TAFA1: variants seen among roughly 807,000 people sequenced by gnomAD.
TAFA1 encodes the protein TAFA chemokine like family member 1.
Under a neutral mutation model 18.5 loss-of-function variants are expected in TAFA1, and 4 were observed. The ratio of observed to expected loss-of-function variants is 0.22; its 90% CI spans 0.11 to 0.49. The LOEUF (loss-of-function observed/expected upper bound fraction) is 0.49. Among genes scored for constraint, TAFA1 ranks in the 20% least tolerant of loss-of-function variants. The probability of loss-of-function intolerance (pLI) is 0.98; values close to 1 mark genes in which losing one functional copy is unlikely to be tolerated. For synonymous variants in TAFA1, 56 were observed against 55.2 expected (o/e 1.01, Z -0.06); for missense variants, 147 against 169.0 (o/e 0.87, Z 0.72).
intron 2 of TAFA1, among the ~76,000 whole-genome samples, chr3:68,164,903 C>A (rs1204232592): frequency 6.6e-6 from 1 of 152,154 alleles, no homozygotes; most frequent in East Asian, 1.9e-4. Flanking sequence ...TTTCCCCCAC[C>A]CCAACTCCCT....
At chr3:68,003,206 T>A (rs1047519072), upstream of TAFA1, among the ~76,000 whole-genome samples, 4 of 152,238 alleles carry the variant, frequency 2.6e-5, no homozygotes, top group African/African-American at 9.6e-5. Context: ...TTGGCAAGAC[T>A]GACGAGTCTG....
upstream of TAFA1, among the ~76,000 whole-genome samples, chr3:67,999,280 C>T (rs201680556): frequency 0.95 from 142,190 of 149,890 alleles, 67,309 homozygotes; most frequent in South Asian, 0.97. Context: ...CCCCCCCCCC[C>T]CTCTCTCTGT....
At chr3:68,103,336 T>C (rs1188173519) in intron 2 of TAFA1, among the ~76,000 whole-genome samples, 1 of 152,226 alleles carries the variant, frequency 6.6e-6, no homozygotes, top group Non-Finnish European at 1.5e-5. Context: ...AAGTGTTGTA[T>C]GGTAATTGTG....
At chr3:68,120,172 T>C (rs540816413) in intron 2 of TAFA1, among the ~76,000 whole-genome samples, 46 of 14,574 alleles carry the variant, frequency 3.2e-3, no homozygotes, top group South Asian at 0.03. Context: ...TCTTTCTTTC[T>C]CTTTCTTTCT....
At chr3:68,448,290 T>C (rs1184877487) in intron 3 of TAFA1, among the ~76,000 whole-genome samples, 2 of 152,204 alleles carry the variant, frequency 1.3e-5, no homozygotes, top group Non-Finnish European at 2.9e-5. Context: ...AAATCAATTA[T>C]ATTGAAATCT....
At chr3:68,022,424 C>G (rs1704710507) in intron 2 of TAFA1, among the ~76,000 whole-genome samples, 2 of 151,958 alleles carry the variant, frequency 1.3e-5, no homozygotes, top group South Asian at 4.2e-4. Flanking sequence ...TACTATGGCC[C>G]CTGGGTAACT....
At chr3:68,166,954 T>A (rs1240690094) in intron 2 of TAFA1, among the ~76,000 whole-genome samples, 4 of 152,212 alleles carry the variant, frequency 2.6e-5, no homozygotes, top group African/African-American at 9.6e-5. Flanking sequence ...TGGCCACCTC[T>A]GGCAGATGCT....
At chr3:68,478,038 A>T (rs1189337955) in intron 3 of TAFA1, among the ~76,000 whole-genome samples, 1 of 152,208 alleles carries the variant, frequency 6.6e-6, no homozygotes, top group Non-Finnish European at 1.5e-5. Flanking sequence ...AGTGTTTTAA[A>T]TCATGGGGTG....
At chr3:68,064,197 A>C (rs1009123613) in intron 2 of TAFA1, among the ~76,000 whole-genome samples, 1 of 152,222 alleles carries the variant, frequency 6.6e-6, no homozygotes, top group South Asian at 2.1e-4. Context: ...AAGACGGCCA[A>C]CGTGGATCAC....
intron 2 of TAFA1, among the ~76,000 whole-genome samples, chr3:68,253,041 C>G (rs532853168): frequency 1.6e-4 from 25 of 152,268 alleles, no homozygotes; most frequent in Middle Eastern, 6.8e-3. Flanking sequence ...CCATGTGGAA[C>G]TGTGAGTCCA....
intron 2 of TAFA1, among the ~76,000 whole-genome samples, chr3:68,280,071 T>G (rs1337901577): frequency 2.0e-5 from 3 of 152,174 alleles, no homozygotes; most frequent in Non-Finnish European, 4.4e-5. Context: ...AAGCTAATAG[T>G]GTAGGTCATA....
At chr3:68,154,780 C>A (rs2065847583) in intron 2 of TAFA1, among the ~76,000 whole-genome samples, 1 of 152,226 alleles carries the variant, frequency 6.6e-6, no homozygotes, top group East Asian at 1.9e-4. Flanking sequence ...TACACACGCA[C>A]CCCACACACT....
intron 2 of TAFA1, among the ~76,000 whole-genome samples, chr3:68,191,519 T>C (rs2066339812): frequency 6.6e-6 from 1 of 151,846 alleles, no homozygotes; most frequent in East Asian, 1.9e-4. Flanking sequence ...TTAATGTCTC[T>C]ATTGGTTTGG....
At chr3:67,999,818 G>T (rs1297720192), upstream of TAFA1, among the ~76,000 whole-genome samples, 2 of 148,150 alleles carry the variant, frequency 1.3e-5, no homozygotes, top group African/African-American at 2.5e-5. Context: ...TTTTGAGATC[G>T]AGTTTCTCAT....
At chr3:68,401,717 A>G (rs1306114629) in intron 2 of TAFA1, among the ~76,000 whole-genome samples, 1 of 152,222 alleles carries the variant, frequency 6.6e-6, no homozygotes, top group Non-Finnish European at 1.5e-5. Flanking sequence ...CCTTGTTAAC[A>G]ACCACTTGGT....
chr3:68,143,412 C>T (rs2065694913), intron 2 of TAFA1, among the ~76,000 whole-genome samples: 1 of 152,174 alleles, frequency 6.6e-6, no homozygotes, highest in Non-Finnish European at 1.5e-5. Flanking sequence ...TTAAACATCA[C>T]ATTATCCATC....
intron 3 of TAFA1, among the ~76,000 whole-genome samples, chr3:68,463,702 G>A (rs183172050): frequency 6.6e-6 from 1 of 152,236 alleles, no homozygotes; most frequent in East Asian, 1.9e-4. Flanking sequence ...GCTAGTTGAT[G>A]TTGGGTGTCA....
intron 2 of TAFA1, among the ~76,000 whole-genome samples, chr3:68,095,595 C>T (rs2106805969): frequency 6.6e-6 from 1 of 152,154 alleles, no homozygotes; most frequent in South Asian, 2.1e-4. Context: ...AAAATATGGG[C>T]TGAGGAAATA....
chr3:68,218,853 A>G (rs1239488747), intron 2 of TAFA1, among the ~76,000 whole-genome samples: 35 of 152,112 alleles, frequency 2.3e-4, no homozygotes. Context: ...AAGAGACCAT[A>G]GTGTTGTTTC....
Sources: gnomAD v4.1 joint callset for allele counts (sites outside exome capture counted in the v4.1 genomes callset) on GRCh38, gnomAD v4.1.1 for gene constraint, MANE v1.5 for transcripts, NCBI Gene and HGNC (gene_info 2026-07-23, HGNC 2026-07-21) for gene names.